The following TAFA4 variants were observed in gnomAD, a reference collection of about 807,000 sequenced individuals.
TAFA4 encodes the protein chemokine-like protein TAFA-4.
In TAFA4, 20 loss-of-function variants were observed where a neutral mutation model predicts 21.1. The observed-to-expected ratio is 0.95, with a 90% CI of 0.67 to 1.38. TAFA4 has a LOEUF of 1.38. Ranked by LOEUF, TAFA4 falls within the 40% of genes most tolerant of loss-of-function variation. The pLI is 0.00. For missense variants in TAFA4, 211 were observed against 180.9 expected, an observed-to-expected ratio of 1.17 and a Z score of -0.95; for synonymous variants, 71 against 67.4, an observed-to-expected ratio of 1.05 and a Z score of -0.26.
At chr3:68,744,513 A>C (rs2106738583) in intron 4 of TAFA4, among the ~76,000 whole-genome samples, 1 of 152,318 alleles carries the variant, frequency 6.6e-6, no homozygotes, top group Admixed American at 6.5e-5. Flanking sequence ...TGAAGTGAGA[A>C]ATTGCGGAAT....
At chr3:68,734,145 C>A (rs1038141234) in intron 5 of TAFA4, among the ~76,000 whole-genome samples, 11 of 152,146 alleles carry the variant, frequency 7.2e-5, no homozygotes, top group African/African-American at 2.7e-4. Flanking sequence ...TTGCTTTGTT[C>A]CAGACTTTAT....
At chr3:68,769,896 G>A (rs768597938) in intron 3 of TAFA4, among the ~76,000 whole-genome samples, 22 of 151,984 alleles carry the variant, frequency 1.4e-4, no homozygotes, top group East Asian at 1.9e-4. Flanking sequence ...AATTCTTTTC[G>A]AATTCAGGAA....
intron 3 of TAFA4, among the ~76,000 whole-genome samples, chr3:68,869,766 G>A (rs931826501): frequency 1.6e-4 from 25 of 151,874 alleles, no homozygotes; most frequent in Non-Finnish European, 1.8e-4. Context: ...TGCTTGGGGG[G>A]AAATTGAAAG....
intron 5 of TAFA4, 85 bp from the exon 6 acceptor site, chr3:68,733,238 G>T: frequency 1.3e-6 from 2 of 1,513,188 alleles, no homozygotes; most frequent in Non-Finnish European, 1.8e-6. Context: ...ATAAGGTCCT[G>T]ACTGTGAATA....
chr3:68,762,727 A>G (rs1422221957), intron 3 of TAFA4, among the ~76,000 whole-genome samples: 1 of 152,216 alleles, frequency 6.6e-6, no homozygotes, highest in Non-Finnish European at 1.5e-5. Context: ...AAGATGAAGA[A>G]TCTCATGAAG....
At chr3:68,811,393 C>T (rs763401479) in intron 3 of TAFA4, among the ~76,000 whole-genome samples, 12 of 152,224 alleles carry the variant, frequency 7.9e-5, no homozygotes, top group East Asian at 1.9e-4. Flanking sequence ...GGAGTAAGTT[C>T]GAACCCATGG....
intron 3 of TAFA4, among the ~76,000 whole-genome samples, chr3:68,855,478 C>G (rs890426778): frequency 6.6e-6 from 1 of 152,012 alleles, no homozygotes; most frequent in Non-Finnish European, 1.5e-5. Context: ...AAATGCCCAT[C>G]AAGAGAATAA....
At chr3:68,863,925 G>A (rs907627272) in intron 3 of TAFA4, among the ~76,000 whole-genome samples, 9 of 152,040 alleles carry the variant, frequency 5.9e-5, no homozygotes, top group African/African-American at 2.2e-4. Context: ...TACTAAAAAT[G>A]CATTACATGT....
At chr3:68,903,827 C>T (rs1051078534) in intron 1 of TAFA4, among the ~76,000 whole-genome samples, 1 of 152,166 alleles carries the variant, frequency 6.6e-6, no homozygotes, top group Non-Finnish European at 1.5e-5. Flanking sequence ...ACCGATGGCA[C>T]AGAAAAGGTT....
At chr3:68,879,504 T>C (rs917266959) in intron 3 of TAFA4, among the ~76,000 whole-genome samples, 1 of 152,174 alleles carries the variant, frequency 6.6e-6, no homozygotes, top group African/African-American at 2.4e-5. Context: ...AGAGATAAGA[T>C]TGAGGACCTC....
intron 2 of TAFA4, among the ~76,000 whole-genome samples, chr3:68,881,222 A>G (rs1420922453): frequency 6.6e-6 from 1 of 152,222 alleles, no homozygotes; most frequent in African/African-American, 2.4e-5. Context: ...TGGATCTGAA[A>G]GAATCCATGG....
At chr3:68,834,285 G>A (rs1289596594) in intron 3 of TAFA4, among the ~76,000 whole-genome samples, 1 of 152,138 alleles carries the variant, frequency 6.6e-6, no homozygotes, top group Non-Finnish European at 1.5e-5. Context: ...ATGCCTGGTA[G>A]AATGACCAAG....
At position 68,805,408 on chromosome 3, in the gene TAFA4, G is replaced by A. The variant is rs535967578; in HGVS notation, c.131-52390C>T. Among the ~76,000 whole-genome samples the A allele has an allele frequency of 2.6e-5, 4 of 152,316 alleles. No homozygotes were observed. The South Asian group carries it at 6.2e-4, about 24-fold the overall frequency. ...GAAGTCACTGTGGTGATTCCTCAAG[G>A]ATCTAGAACTAGAAATACCATTTGA... On this transcript the variant is annotated intron_variant, in intron 3 of 5. Coordinates refer to ENST00000295569, the MANE Select transcript of TAFA4 (RefSeq NM_182522.5).
At chr3:68,830,116 T>C (rs1704348188) in intron 3 of TAFA4, among the ~76,000 whole-genome samples, 1 of 152,216 alleles carries the variant, frequency 6.6e-6, no homozygotes, top group African/African-American at 2.4e-5. Flanking sequence ...CTATCAATTT[T>C]GTAGATCTTT....
intron 3 of TAFA4, among the ~76,000 whole-genome samples, chr3:68,876,680 C>T (rs1468560938): frequency 6.6e-6 from 1 of 151,926 alleles, no homozygotes; most frequent in Non-Finnish European, 1.5e-5. Context: ...TTAAAAATAA[C>T]ATAAACCACC....
intron 1 of TAFA4, among the ~76,000 whole-genome samples, chr3:68,923,669 C>G (rs1049453214): frequency 6.6e-6 from 1 of 152,138 alleles, no homozygotes; most frequent in Non-Finnish European, 1.5e-5. Context: ...CAATGAACAT[C>G]TGACCTACAG....
intron 3 of TAFA4, among the ~76,000 whole-genome samples, chr3:68,782,098 A>G (rs982540073): frequency 6.6e-6 from 1 of 152,218 alleles, no homozygotes; most frequent in Non-Finnish European, 1.5e-5. Context: ...TGGAAAATCT[A>G]TATCTGACAA....
intron 3 of TAFA4, among the ~76,000 whole-genome samples, chr3:68,775,912 C>T (rs1332440320): frequency 6.6e-6 from 1 of 152,032 alleles, no homozygotes; most frequent in African/African-American, 2.4e-5. Flanking sequence ...TGATGAGATT[C>T]ACACAAGAAA....
intron 1 of TAFA4, among the ~76,000 whole-genome samples, chr3:68,910,588 G>A (rs2089952273): frequency 6.6e-6 from 1 of 152,216 alleles, no homozygotes; most frequent in South Asian, 2.1e-4. Context: ...CCACTCTATA[G>A]AACTTTGATA....
Sources: gnomAD v4.1 joint callset for allele counts (sites outside exome capture counted in the v4.1 genomes callset) on GRCh38, gnomAD v4.1.1 for gene constraint, MANE v1.5 for transcripts, NCBI Gene and HGNC (gene_info 2026-07-23, HGNC 2026-07-21) for gene names.